The following NCOA2 variants were observed in gnomAD, a reference collection of about 807,000 sequenced individuals.
NCOA2 encodes the protein nuclear receptor coactivator 2, also known as class E basic helix-loop-helix protein 75.
Under a neutral mutation model 145.1 loss-of-function variants are expected in NCOA2, and 21 were observed. That is an observed-to-expected ratio of 0.14 (90% CI 0.10 to 0.21). The LOEUF (loss-of-function observed/expected upper bound fraction) is 0.21, where lower values mean the gene tolerates loss of function less well. Among genes scored for constraint, NCOA2 ranks in the 10% least tolerant of loss-of-function variants. The probability of loss-of-function intolerance (pLI) is 1.00; values close to 1 mark genes in which losing one functional copy is unlikely to be tolerated. For missense variants in NCOA2, 1,472 were observed against 1,837.6 expected, an observed-to-expected ratio of 0.80 and a Z score of 3.64; for synonymous variants, 619 against 637.5, an observed-to-expected ratio of 0.97 and a Z score of 0.44.
At chr8:70,272,686 A>G (rs574132294) in intron 2 of NCOA2, among the ~76,000 whole-genome samples, 8 of 152,218 alleles carry the variant, frequency 5.3e-5, no homozygotes, top group Non-Finnish European at 8.8e-5. Flanking sequence ...GGGCATCACT[A>G]GAAACCATAA....
intron 1 of NCOA2, among the ~76,000 whole-genome samples, chr8:70,390,511 A>T (rs1813094299): frequency 6.6e-6 from 1 of 152,124 alleles, no homozygotes; most frequent in African/African-American, 2.4e-5. Flanking sequence ...TCACACCTAT[A>T]ATCCCAGCAT....
At chr8:70,433,526 T>C in the NCOA2 span, among the ~76,000 whole-genome samples, 1 of 152,168 alleles carries the variant, frequency 6.6e-6, no homozygotes, top group African/African-American at 2.4e-5. Context: ...GCCTCAAAAA[T>C]GTAGAGTGTG....
rs547772319 is a variant in NCOA2 at position 70,246,639 on chromosome 8, C to G, written c.-19-29875G>C. Among the ~76,000 whole-genome samples, 6 of 152,220 alleles carry G rather than the reference C, an allele frequency of 3.9e-5. No homozygotes were observed. The South Asian group carries it at 1.2e-3, about 32-fold the overall frequency. On this transcript the variant is annotated intron_variant, in intron 2 of 22. Coordinates refer to ENST00000452400, the MANE Select transcript of NCOA2 (RefSeq NM_006540.4). Reference sequence around the variant, plus strand: ...ACAGTTCAATAGGGTTAAGCACATTCATACTGTTATGCAACAGATCTCCTG... The same window carrying G: ...ACAGTTCAATAGGGTTAAGCACATTGATACTGTTATGCAACAGATCTCCTG...
chr8:70,450,990 C>A, the NCOA2 span, among the ~76,000 whole-genome samples: 4 of 150,544 alleles, frequency 2.7e-5, no homozygotes, highest in East Asian at 7.8e-4. Flanking sequence ...CTGAGTAGGG[C>A]GGATCACTTG....
intron 1 of NCOA2, among the ~76,000 whole-genome samples, chr8:70,351,884 G>A (rs1169761380): frequency 6.6e-6 from 1 of 151,386 alleles, no homozygotes; most frequent in Non-Finnish European, 1.5e-5. Flanking sequence ...CACCCAGTGT[G>A]AGTTCACTTT....
chr8:70,208,877 T>C (rs1345468693), intron 4 of NCOA2, among the ~76,000 whole-genome samples: 2 of 152,238 alleles, frequency 1.3e-5, no homozygotes, highest in Non-Finnish European at 2.9e-5. Flanking sequence ...AGGCCAAAAA[T>C]GTTTGTTTTC....
chr8:70,450,718 T>C, the NCOA2 span, among the ~76,000 whole-genome samples: 4 of 151,340 alleles, frequency 2.6e-5, no homozygotes, highest in Non-Finnish European at 5.9e-5. Flanking sequence ...TAGCTGGGAT[T>C]ACAGGGGTGC....
At chr8:70,158,854 C>T (rs1812566739) in intron 10 of NCOA2, among the ~76,000 whole-genome samples, 1 of 152,128 alleles carries the variant, frequency 6.6e-6, no homozygotes, top group Non-Finnish European at 1.5e-5. Context: ...TCCTGCCCTG[C>T]ATTTGTTGCT....
At position 70,156,615 on chromosome 8, in the gene NCOA2, C is replaced by T; in HGVS notation, c.1750G>A (p.Asp584Asn). 6.2e-7 allele frequency: 1 copy of T among 1,613,952 alleles called. No homozygotes were observed. Residue 584 changes from aspartate (D) to asparagine (N), a missense_variant, in exon 11 of 23, where the codon GAC becomes AAC. Asp to Asn is a conservative substitution (Grantham distance 23). Transcript: ENST00000452400. Reference protein sequence around the residue: ...LSKMGSLDSKDCFGLYGEPSE... With the variant: ...LSKMGSLDSKNCFGLYGEPSE... ...GGCTCCCCATATAGTCCAAAACAGT[C>T]TTTTGAGTCCAAGCTTCCCATCTTG...
intron 1 of NCOA2, among the ~76,000 whole-genome samples, chr8:70,333,563 A>C (rs1376703282): frequency 6.6e-6 from 1 of 152,210 alleles, no homozygotes; most frequent in African/African-American, 2.4e-5. Context: ...GCAGCAAAAA[A>C]TTAACACAAA....
Position 70,333,778 on chromosome 8 carries a change from T to TA in NCOA2, c.-76-36979dup, listed in dbSNP as rs145333074. Among the ~76,000 whole-genome samples, 642 of 152,296 alleles carry TA rather than the reference T, an allele frequency of 4.2e-3. 5 individuals are homozygous for TA. The highest frequency in any genetic ancestry group is 0.015 in the African/African-American group (613 of 41,558). On this transcript the variant is annotated intron_variant, in intron 1 of 22. Coordinates refer to ENST00000452400, the MANE Select transcript of NCOA2 (RefSeq NM_006540.4). ...AACAAAGATTCTTCACCCAGACTGT[T>TA]ACATGACAATGCCCCTTGCCTGAGC...
At chr8:70,175,308 C>T (rs898370973) in intron 4 of NCOA2, among the ~76,000 whole-genome samples, 2 of 152,246 alleles carry the variant, frequency 1.3e-5, no homozygotes, top group Non-Finnish European at 2.9e-5. Flanking sequence ...GCTATGGCTG[C>T]CCCCATGAGA....
intron 1 of NCOA2, among the ~76,000 whole-genome samples, chr8:70,367,208 T>C (rs1279843175): frequency 6.6e-6 from 1 of 152,218 alleles, no homozygotes; most frequent in Non-Finnish European, 1.5e-5. Context: ...TCTCCTTTAA[T>C]ACAAACTCCT....
chr8:70,213,664 A>G (rs1179708623), intron 4 of NCOA2, among the ~76,000 whole-genome samples: 1 of 152,204 alleles, frequency 6.6e-6, no homozygotes, highest in Non-Finnish European at 1.5e-5. Context: ...CTAGATGAAA[A>G]GTTCCATCAC....
intron 1 of NCOA2, among the ~76,000 whole-genome samples, chr8:70,366,699 C>T (rs1810721458): frequency 7.2e-6 from 1 of 138,788 alleles, no homozygotes; most frequent in Admixed American, 7.2e-5. Flanking sequence ...ATTCAGAAAA[C>T]AAGCAAGAAA....
At chr8:70,318,862 T>C (rs893663617) in intron 1 of NCOA2, among the ~76,000 whole-genome samples, 2 of 152,184 alleles carry the variant, frequency 1.3e-5, no homozygotes, top group African/African-American at 2.4e-5. Flanking sequence ...GACCAAGTCA[T>C]AGGAAAATAC....
chr8:70,319,576 T>C (rs1222711654), intron 1 of NCOA2, among the ~76,000 whole-genome samples: 1 of 135,658 alleles, frequency 7.4e-6, no homozygotes, highest in Non-Finnish European at 1.6e-5. Flanking sequence ...ATAAAAGCTC[T>C]ATTTAGCTGG....
rs1162632605 is a variant in NCOA2 at position 70,124,672 on chromosome 8, A to G, written c.4094+16T>C. 2 of 1,583,146 alleles carry G rather than the reference A, an allele frequency of 1.3e-6. No homozygotes were observed. Among genetic ancestry groups the G allele is most frequent in the Non-Finnish European group, 1.7e-6 (2 of 1,164,306 alleles). On this transcript the variant is annotated intron_variant, in intron 20 of 22. Coordinates refer to ENST00000452400, the MANE Select transcript of NCOA2 (RefSeq NM_006540.4). Reference sequence around the variant, plus strand: ...GTCACAGTGGCGGTATGAAAAGGAGAAGGATTTGCGGTTACCTGTTTCCGC... The same window carrying G: ...GTCACAGTGGCGGTATGAAAAGGAGGAGGATTTGCGGTTACCTGTTTCCGC...
At chr8:70,119,330 C>T (rs1585710149) in intron 22 of NCOA2, among the ~76,000 whole-genome samples, 2 of 152,134 alleles carry the variant, frequency 1.3e-5, no homozygotes, top group South Asian at 4.1e-4. Context: ...TTGTGCCTGC[C>T]TTATCTCAGT....
Sources: gnomAD v4.1 joint callset for allele counts (sites outside exome capture counted in the v4.1 genomes callset) on GRCh38, gnomAD v4.1.1 for gene constraint, MANE v1.5 for transcripts, NCBI Gene and HGNC (gene_info 2026-07-23, HGNC 2026-07-21) for gene names.